INTS6: variants seen among roughly 807,000 people sequenced by gnomAD.
INTS6 encodes integrator complex subunit 6.
In INTS6, 16 loss-of-function variants were observed where a neutral mutation model predicts 104.9. The ratio of observed to expected loss-of-function variants is 0.15; its 90% CI spans 0.10 to 0.23. The LOEUF is 0.23. INTS6 is among the 10% of genes least tolerant of loss of function. The pLI, the probability that INTS6 is intolerant of heterozygous loss-of-function variation, is 1.00. For missense variants in INTS6, 584 were observed against 1,062.8 expected (o/e 0.55, Z 6.26); for synonymous variants, 324 against 358.7 (o/e 0.90, Z 1.09).
At chr13:51,342,410 T>A in the INTS6 span, among the ~76,000 whole-genome samples, 1 of 152,158 alleles carries the variant, frequency 6.6e-6, no homozygotes, top group African/African-American at 2.4e-5. Context: ...TAGCCCTCAA[T>A]TCACAGGACT....
At chr13:51,357,694 G>A (rs1955502450), downstream of INTS6, among the ~76,000 whole-genome samples, 2 of 151,872 alleles carry the variant, frequency 1.3e-5, no homozygotes, top group African/African-American at 4.8e-5. Context: ...GATACTAGAT[G>A]TTATGCAGCT....
Position 51,374,658 on chromosome 13 carries a change from T to C in INTS6, c.1868A>G (p.Lys623Arg). The change falls in exon 14 of 18, where the codon AAG (lysine) becomes AGG (arginine). Residue 623 changes from lysine to arginine, a missense_variant. Transcript: ENST00000311234. The part of the protein sequence containing the change: ...HTFGNPFKLD[K>R]KGMMIDEADE... ...AATAGAACATTTCAAAATTACCTTC[T>C]TATCCAGCTTAAAGGGGTTGCCAAA... is the stretch of plus-strand genomic sequence containing the variant. 1 of 1,612,894 alleles carries C rather than the reference T, an allele frequency of 6.2e-7. No individual in the cohort carries two copies. Among genetic ancestry groups the C allele is most frequent in the Non-Finnish European group, 8.5e-7 (1 of 1,179,852 alleles).
intron 4 of INTS6, chr13:51,423,083 C>T (rs1210124304): frequency 3.9e-6 from 5 of 1,279,708 alleles, no homozygotes. Context: ...TCTGTGTGTC[C>T]CCAGTACCTA....
the INTS6 span, chr13:51,348,487 T>C: frequency 3.0e-3 from 3,881 of 1,274,998 alleles, 13 homozygotes; most frequent in Non-Finnish European, 3.9e-3. Flanking sequence ...ACAGGTGGTC[T>C]GCCTCCAGGG....
At chr13:51,413,194 GA>G (rs1343201663) in intron 4 of INTS6, among the ~76,000 whole-genome samples, 1 of 151,890 alleles carries the variant, frequency 6.6e-6, no homozygotes, top group Non-Finnish European at 1.5e-5. Context: ...AATACTATAA[GA>G]AAAAAGTTTT....
In INTS6 at chr13:51,383,685, C is replaced by G; in HGVS notation, c.951G>C (p.Met317Ile). 1 of 1,613,722 alleles carries G rather than the reference C, an allele frequency of 6.2e-7. No homozygotes were observed. Among genetic ancestry groups the G allele is most frequent in the Non-Finnish European group, 8.5e-7 (1 of 1,179,764 alleles). The change falls in exon 8 of 18, where the codon ATG becomes ATC. Residue 317 changes from methionine to isoleucine, a missense_variant. Around this residue, in one of 5 missense-constraint regions of INTS6, gnomAD observed 144 missense variants for 348.7 expected, o/e 0.41. Coordinates refer to ENST00000311234, the MANE Select transcript of INTS6 (RefSeq NM_012141.3). ...VKFSCTDCEPMVIDKLPFDKY... is the reference protein window; with the variant it reads ...VKFSCTDCEPIVIDKLPFDKY... The stretch of plus-strand genomic sequence containing the variant: ...TGTCAAAAGGAAGTTTATCAATAAC[C>G]ATTGGTTCACAGTCTGTACAGGAAA...
chr13:51,416,562 T>C (rs1338292453), intron 4 of INTS6, among the ~76,000 whole-genome samples: 1 of 152,230 alleles, frequency 6.6e-6, no homozygotes, highest in Non-Finnish European at 1.5e-5. Flanking sequence ...ATTGTATTCC[T>C]TTTTAAGGCT....
intron 3 of INTS6, among the ~76,000 whole-genome samples, chr13:51,433,276 T>C (rs1032996296): frequency 2.6e-5 from 4 of 152,006 alleles, no homozygotes; most frequent in African/African-American, 9.7e-5. Context: ...AAAAACCTCG[T>C]CTCCATGAAA....
intron 4 of INTS6, among the ~76,000 whole-genome samples, chr13:51,406,804 C>T (rs1030221873): frequency 1.3e-5 from 2 of 152,152 alleles, no homozygotes; most frequent in Non-Finnish European, 2.9e-5. Flanking sequence ...TTGTCCAACC[C>T]GTGGTCCACA....
intron 7 of INTS6, 71 bp from the exon 8 acceptor site, chr13:51,383,812 C>T (rs1282952103): frequency 1.1e-5 from 14 of 1,326,218 alleles, no homozygotes; most frequent in Non-Finnish European, 1.1e-5. Context: ...TCCTCATTAT[C>T]AAAATTTACT....
At chr13:51,423,926 G>A (rs895894191) in intron 4 of INTS6, among the ~76,000 whole-genome samples, 7 of 152,000 alleles carry the variant, frequency 4.6e-5, no homozygotes, top group Admixed American at 1.3e-4. Context: ...ATGAGACACT[G>A]TAAAAATACA....
chr13:51,446,928 A>G (rs1952931760), intron 3 of INTS6: 1 of 152,200 alleles, frequency 6.6e-6, no homozygotes, highest in Non-Finnish European at 1.5e-5. Flanking sequence ...CAATTTTGCA[A>G]GATAAAAAAG....
At position 51,452,322 on chromosome 13, in the gene INTS6, G is replaced by A. The variant is rs1953079287; in HGVS notation, c.111+93C>T. ...CGAGCCCGGCAGCTCCCGCAGTCAG[G>A]TCCCCGACACCCCCGCCCCGGCCGC... On this transcript the variant is annotated intron_variant, in intron 1 of 17. Transcript: ENST00000311234. This position sits in a 1 kb window ranked among gnomAD's most constrained non-coding sequence, Gnocchi z 4.2. 4.1e-6 allele frequency: 5 copies of A among 1,211,346 alleles called. No individual in the cohort carries two copies. Among genetic ancestry groups the A allele is most frequent in the Non-Finnish European group, 5.2e-6 (5 of 968,528 alleles). 75.0% of individuals were successfully genotyped at this position (1,211,346 alleles called of 1,614,324 possible).
At chr13:51,358,511 T>G (rs1350457957), downstream of INTS6, among the ~76,000 whole-genome samples, 2 of 152,152 alleles carry the variant, frequency 1.3e-5, no homozygotes, top group African/African-American at 4.8e-5. Context: ...CACGCCTTTA[T>G]GGTTCTACAA....
chr13:51,412,846 GCTAT>G (rs1956712356), intron 4 of INTS6, among the ~76,000 whole-genome samples: 1 of 152,184 alleles, frequency 6.6e-6, no homozygotes, highest in Admixed American at 6.5e-5. Context: ...AAGAACTAAT[GCTAT>G]CAAGTGTGCA....
chr13:51,341,262 G>A, the INTS6 span: 1 of 1,614,006 alleles, frequency 6.2e-7, no homozygotes, highest in South Asian at 1.1e-5. Flanking sequence ...CTGCTGGTGT[G>A]TCCCTCCCCC....
chr13:51,366,246 A>T (rs1015886196), intron 17 of INTS6, among the ~76,000 whole-genome samples: 1 of 152,040 alleles, frequency 6.6e-6, no homozygotes, highest in East Asian at 1.9e-4. Flanking sequence ...TGAATATTGA[A>T]AGGAATGTGA....
rs532835643 is a variant in INTS6, at chr13:51,362,480, C to T, written c.*3272G>A. 6.5e-6 allele frequency: 1 copy of T among 152,720 alleles called. No individual in the cohort carries two copies. Among genetic ancestry groups the T allele is most frequent in the Non-Finnish European group, 1.5e-5 (1 of 68,180 alleles). 9.5% of individuals were successfully genotyped at this position (152,720 alleles called of 1,614,324 possible). A position where few individuals can be genotyped will look rare whatever the true frequency, so the allele number is the denominator to read the frequency against. On this transcript the variant is annotated 3_prime_UTR_variant, in exon 18 of 18. Transcript: ENST00000311234. ...AGAAGGACACACAAATATTCTTAGGCTTCGACAATATTGAACAAAGTCTTT... is the reference window on the plus strand; with the variant it reads ...AGAAGGACACACAAATATTCTTAGGTTTCGACAATATTGAACAAAGTCTTT...
chr13:51,389,041 AG>A (rs1008607993), intron 6 of INTS6, among the ~76,000 whole-genome samples: 1 of 152,272 alleles, frequency 6.6e-6, no homozygotes, highest in Non-Finnish European at 1.5e-5. Flanking sequence ...AATACTACAA[AG>A]AAATTATAAA....
Sources: gnomAD v4.1 joint callset for allele counts (sites outside exome capture counted in the v4.1 genomes callset) on GRCh38, gnomAD v4.1.1 for gene constraint, gnomAD v4.1.1 regional missense constraint, Gnocchi (gnomAD v3.1) non-coding constraint, MANE v1.5 for transcripts, NCBI Gene and HGNC (gene_info 2026-07-23, HGNC 2026-07-21) for gene names.